KITLG: variants seen among roughly 807,000 people sequenced by gnomAD.
KITLG encodes the protein KIT ligand.
Under a neutral mutation model 34.1 loss-of-function variants are expected in KITLG, and 13 were observed. The ratio of observed to expected loss-of-function variants is 0.38; its 90% CI spans 0.25 to 0.61. The LOEUF (loss-of-function observed/expected upper bound fraction) is 0.61. Ranked by LOEUF, KITLG falls within the 20% of genes least tolerant of loss-of-function variation. The pLI is 0.60. For synonymous variants in KITLG, 110 were observed against 104.0 expected (o/e 1.06, Z -0.35); for missense variants, 292 against 318.9 (o/e 0.92, Z 0.64).
At chr12:88,542,644 GCA>G (rs145883562) in intron 2 of KITLG, among the ~76,000 whole-genome samples, 10 of 149,382 alleles carry the variant, frequency 6.7e-5, no homozygotes, top group East Asian at 2.0e-4. Context: ...ACACACACAT[GCA>G]CACACACACA....
At chr12:88,527,362 G>C (rs1442748669) in intron 3 of KITLG, among the ~76,000 whole-genome samples, 2 of 152,144 alleles carry the variant, frequency 1.3e-5, no homozygotes, top group African/African-American at 4.8e-5. Flanking sequence ...AAAATGGAAA[G>C]AGCCCAGAGG....
chr12:88,557,243 T>G (rs1271789223), intron 1 of KITLG, among the ~76,000 whole-genome samples: 1 of 152,126 alleles, frequency 6.6e-6, no homozygotes, highest in Non-Finnish European at 1.5e-5. Flanking sequence ...TTTGACCCTG[T>G]GTAAAAATCC....
chr12:88,556,352 G>A (rs1324385950), intron 1 of KITLG, among the ~76,000 whole-genome samples: 1 of 151,992 alleles, frequency 6.6e-6, no homozygotes, highest in African/African-American at 2.4e-5. Context: ...CTGATTTATT[G>A]TTAAAAGGTT....
At chr12:88,567,193 T>C (rs747877249) in intron 1 of KITLG, among the ~76,000 whole-genome samples, 1 of 152,212 alleles carries the variant, frequency 6.6e-6, no homozygotes, top group Non-Finnish European at 1.5e-5. Context: ...TGCATTTTAA[T>C]ATTGGTTCAA....
At chr12:88,522,892 C>T (rs1869727159) in intron 3 of KITLG, among the ~76,000 whole-genome samples, 2 of 152,126 alleles carry the variant, frequency 1.3e-5, no homozygotes, top group Non-Finnish European at 1.5e-5. Context: ...GGGCCTAAAG[C>T]TAGTATCTAC....
In KITLG at chr12:88,516,397, C is replaced by A; in HGVS notation, c.457G>T (p.Asp153Tyr). The change falls in exon 5 of 10, where the codon GAC becomes TAC. Residue 153 changes from aspartate to tyrosine, a missense_variant. Physicochemically the swap from Asp to Tyr is radical, Grantham distance 160. Coordinates refer to ENST00000644744, the MANE Select transcript of KITLG (RefSeq NM_000899.5). ...IFNRSIDAFK[D>Y]FVVASETSDC... ...CTAGTTTCAGATGCCACTACAAAGT[C>A]CTTGAAGGCATCAATGGATCTATTA... The A allele has an allele frequency of 6.2e-7, 1 of 1,610,780 alleles. No homozygotes were observed. Among genetic ancestry groups the A allele is most frequent in the Non-Finnish European group, 8.5e-7 (1 of 1,177,542 alleles).
In KITLG at chr12:88,508,673, A is replaced by AC. The variant is rs1869159896; in HGVS notation, c.605-1537dup. 2.0e-5 allele frequency among the ~76,000 whole-genome samples: 3 copies of AC among 151,940 alleles called. No homozygotes were observed. In the South Asian group the frequency reaches 6.2e-4, roughly 32 times the overall value. ...AGAAATAGGGTCTTCCATTCACATAACCATGAATATCCTCCTTAGGATTCC... is the reference window on the plus strand; with the variant it reads ...AGAAATAGGGTCTTCCATTCACATAACCCATGAATATCCTCCTTAGGATTCC... On this transcript the variant is annotated intron_variant, in intron 6 of 9. Coordinates refer to ENST00000644744, the MANE Select transcript of KITLG (RefSeq NM_000899.5).
intron 1 of KITLG, among the ~76,000 whole-genome samples, chr12:88,569,927 A>G (rs900554099): frequency 3.9e-5 from 6 of 152,198 alleles, no homozygotes; most frequent in African/African-American, 1.4e-4. Flanking sequence ...TAAGAAATGA[A>G]CAAAACAAAG....
In KITLG at chr12:88,507,121, G is replaced by C; in HGVS notation, c.621C>G (p.Pro207=). The change falls in exon 7 of 10, where the codon CCC becomes CCG. Residue 207 remains proline, a synonymous_variant. Coordinates refer to ENST00000644744, the MANE Select transcript of KITLG (RefSeq NM_000899.5). ...SSSSNRKAKN[P]PGDSSLHWAA... ...CCCAGTGTAGGCTGGAGTCTCCAGG[G>C]GGATTTTTGGCCTTCCCTATAATTT... The C allele has an allele frequency of 6.2e-7, 1 of 1,611,036 alleles. No individual in the cohort carries two copies. Among genetic ancestry groups the C allele is most frequent in the Non-Finnish European group, 8.5e-7 (1 of 1,177,286 alleles).
intron 1 of KITLG, among the ~76,000 whole-genome samples, chr12:88,553,758 T>C (rs1397641942): frequency 2.0e-5 from 3 of 152,202 alleles, no homozygotes; most frequent in South Asian, 4.1e-4. Context: ...GTGTGCACTG[T>C]TACAACCAAG....
At chr12:88,498,624 C>T (rs919657684) in intron 9 of KITLG, among the ~76,000 whole-genome samples, 16 of 152,138 alleles carry the variant, frequency 1.1e-4, no homozygotes, top group Non-Finnish European at 1.9e-4. Flanking sequence ...CCTGTAATCC[C>T]AGCACTTTGA....
chr12:88,497,333 T>C (rs1322044824), intron 9 of KITLG, among the ~76,000 whole-genome samples, 152 bp from the exon 10 acceptor site: 1 of 152,204 alleles, frequency 6.6e-6, no homozygotes, highest in African/African-American at 2.4e-5. Flanking sequence ...TTCATAAATA[T>C]TTTCTTAGAT....
At chr12:88,500,793 AT>A (rs1354688901) in intron 9 of KITLG, among the ~76,000 whole-genome samples, 2 of 152,150 alleles carry the variant, frequency 1.3e-5, no homozygotes, top group South Asian at 2.1e-4. Flanking sequence ...TTATTTTTAT[AT>A]TTTGAGACCA....
In KITLG at chr12:88,494,925, CAGTT is replaced by C. The variant is rs1868569684; in HGVS notation, c.*2290_*2293del. On this transcript the variant is annotated 3_prime_UTR_variant, in exon 10 of 10. Transcript: ENST00000644744. ...TTTTCATCTCAAAGCAGAAATAACA[CAGTT>C]AATGTCCAAGCAGCTAGCATCCAAA... is the stretch of plus-strand genomic sequence containing the variant. 6.6e-6 allele frequency: 1 copy of C among 151,912 alleles called. No homozygotes were observed. The highest frequency in any genetic ancestry group is 1.5e-5 in the Non-Finnish European group (1 of 67,904). 9.4% of individuals were successfully genotyped at this position (151,912 alleles called of 1,614,324 possible).
chr12:88,559,623 A>G (rs994623004), intron 1 of KITLG, among the ~76,000 whole-genome samples: 15 of 152,246 alleles, frequency 9.9e-5, no homozygotes, highest in African/African-American at 3.6e-4. Flanking sequence ...GAAAAAGCCC[A>G]GTAATTAAGC....
Position 88,507,030 on chromosome 12 carries a change from T to G in KITLG, c.712A>C (p.Lys238Gln), listed in dbSNP as rs200465913. Residue 238 changes from lysine (K) to glutamine (Q), a missense_variant and splice_region_variant, in exon 7 of 10, where the codon AAG becomes CAG. Coordinates refer to ENST00000644744, the MANE Select transcript of KITLG (RefSeq NM_000899.5). ...IGFAFGALYW[K>Q]KRQPSLTRAV... is the part of the protein sequence containing the mutation. ...AAAAAAGGAATGGTACCACTTACCT[T>G]CCAGTATAAGGCTCCAAAAGCAAAG... 7.8e-6 allele frequency: 12 copies of G among 1,529,014 alleles called. No individual in the cohort carries two copies. Among genetic ancestry groups the G allele is most frequent in the Non-Finnish European group, 1.0e-5 (11 of 1,102,294 alleles). The allele number at this position is 1,529,014 out of a possible 1,614,324, so 94.7% of individuals were successfully genotyped here. A position where few individuals can be genotyped will look rare whatever the true frequency, so the allele number is the denominator to read the frequency against.
chr12:88,551,788 G>A (rs1870924110), intron 1 of KITLG, among the ~76,000 whole-genome samples: 3 of 152,128 alleles, frequency 2.0e-5, no homozygotes, highest in African/African-American at 7.2e-5. Context: ...TGGAACTTGT[G>A]AATACATCAC....
chr12:88,528,935 T>C (rs1007992979), intron 3 of KITLG, among the ~76,000 whole-genome samples: 2 of 152,212 alleles, frequency 1.3e-5, no homozygotes, highest in Non-Finnish European at 2.9e-5. Context: ...GATCCAGTGT[T>C]CAGTAGCAAA....
Position 88,515,596 on chromosome 12 carries a change from T to C in KITLG, c.542A>G (p.Lys181Arg). ...TGCAACAGGGGGTAACATAAATGGTTTTGTGACACTGACTCTGGAATCTAA... is the reference window on the plus strand; with the variant it reads ...TGCAACAGGGGGTAACATAAATGGTCTTGTGACACTGACTCTGGAATCTAA... ...PEKDSRVSVT[K>R]PFMLPPVAAS... The change falls in exon 6 of 10, where the codon AAA becomes AGA. Residue 181 changes from lysine to arginine, a missense_variant. Lys to Arg is a conservative substitution (Grantham distance 26). Coordinates refer to ENST00000644744, the MANE Select transcript of KITLG (RefSeq NM_000899.5). 6.2e-7 allele frequency: 1 copy of C among 1,610,264 alleles called. No individual in the cohort carries two copies. Among genetic ancestry groups the C allele is most frequent in the South Asian group, 1.1e-5 (1 of 91,018 alleles).
Sources: allele counts gnomAD v4.1 joint callset (sites outside exome capture counted in the v4.1 genomes callset), GRCh38; gene constraint gnomAD v4.1.1; transcripts MANE v1.5; gene names NCBI Gene and HGNC (gene_info 2026-07-23, HGNC 2026-07-21).